The following EXPH5 variants were observed in gnomAD, a reference collection of about 807,000 sequenced individuals.
The protein encoded by EXPH5 is exophilin 5.
In EXPH5, 42 loss-of-function variants were observed where a neutral mutation model predicts 41.1. The observed-to-expected ratio is 1.02, with a 90% CI of 0.80 to 1.32. The LOEUF is 1.32. EXPH5 is among the 40% of genes most tolerant of loss of function. EXPH5 has a pLI of 0.00. For missense variants in EXPH5, 2,298 were observed against 2,314.5 expected, an observed-to-expected ratio of 0.99 and a Z score of 0.15; for synonymous variants, 798 against 833.5, an observed-to-expected ratio of 0.96 and a Z score of 0.73.
chr11:108,537,859 C>G, intron 3 of EXPH5: 1 of 491,514 alleles, frequency 2.0e-6, no homozygotes, highest in Non-Finnish European at 2.6e-6. Context: ...TTTTTTCTCC[C>G]TCAAATAAAT....
intron 1 of EXPH5, among the ~76,000 whole-genome samples, chr11:108,557,474 T>C (rs1208881473): frequency 2.6e-5 from 4 of 152,166 alleles, no homozygotes; most frequent in South Asian, 4.1e-4. Flanking sequence ...CTCCCTAGCA[T>C]AGCTGGGATT....
At chr11:108,517,465 A>G (rs2093733984) in intron 5 of EXPH5, among the ~76,000 whole-genome samples, 1 of 152,248 alleles carries the variant, frequency 6.6e-6, no homozygotes, top group South Asian at 2.1e-4. Context: ...GCCTTTGCAA[A>G]CTAAATGAAG....
chr11:108,604,422 G>T, the EXPH5 span, among the ~76,000 whole-genome samples: 1 of 151,806 alleles, frequency 6.6e-6, no homozygotes, highest in Non-Finnish European at 1.5e-5. Flanking sequence ...GTGGGAGAGG[G>T]CTGGATATTT....
intron 1 of EXPH5, among the ~76,000 whole-genome samples, chr11:108,580,653 C>A (rs2094095270): frequency 6.6e-6 from 1 of 152,040 alleles, no homozygotes; most frequent in Admixed American, 6.6e-5. Context: ...ATAGAATCAA[C>A]CTAGGTATCC....
chr11:108,518,122 T>C, intron 5 of EXPH5, 113 bp downstream of exon 5: 1 of 941,600 alleles, frequency 1.1e-6, no homozygotes, highest in South Asian at 1.8e-5. Context: ...CATGAGGATG[T>C]AAAAAATAAA....
chr11:108,547,711 AAT>A (rs113857815), intron 1 of EXPH5, among the ~76,000 whole-genome samples: 3,604 of 152,256 alleles, frequency 0.024, 150 homozygotes, highest in African/African-American at 0.081. Flanking sequence ...TGTTTAATAA[AAT>A]ATGTTACATT....
intron 4 of EXPH5, among the ~76,000 whole-genome samples, chr11:108,527,451 G>T (rs902709832): frequency 1.3e-5 from 2 of 151,960 alleles, no homozygotes; most frequent in Non-Finnish European, 2.9e-5. Flanking sequence ...CTAAGGCTTC[G>T]ATCCACTGAT....
chr11:108,526,974 T>C (rs2093804036), intron 4 of EXPH5, among the ~76,000 whole-genome samples: 1 of 152,026 alleles, frequency 6.6e-6, no homozygotes, highest in Non-Finnish European at 1.5e-5. Context: ...GAGGCATATA[T>C]AGGAGAAAAA....
At position 108,511,239 on chromosome 11, in the gene EXPH5, C is replaced by A; in HGVS notation, c.4268G>T (p.Gly1423Val). Residue 1423 changes from glycine (G) to valine (V), a missense_variant, in exon 6 of 6, where the codon GGT (glycine) becomes GTT (valine). Transcript: ENST00000265843. ...TGAAAGAGCTGGAAGACTAGAGGGA[C>A]CACTGTTACTTGAATTAATGGATTG... is the stretch of plus-strand genomic sequence containing the variant. ...CQQSINSSNS[G>V]PSSLPALSEV... 6.2e-7 allele frequency: 1 copy of A among 1,608,116 alleles called. No homozygotes were observed. The highest frequency in any genetic ancestry group is 8.5e-7 in the Non-Finnish European group (1 of 1,178,736).
At chr11:108,596,869 A>G (rs2094139528), upstream of EXPH5, among the ~76,000 whole-genome samples, 1 of 147,908 alleles carries the variant, frequency 6.8e-6, no homozygotes, top group Non-Finnish European at 1.5e-5. Context: ...TTTTAAACAC[A>G]ATGCTCTTAA....
chr11:108,605,622 G>C, the EXPH5 span, among the ~76,000 whole-genome samples: 1 of 152,206 alleles, frequency 6.6e-6, no homozygotes, highest in Non-Finnish European at 1.5e-5. Context: ...CTGAGGCCAA[G>C]AAACTTTGTG....
chr11:108,593,297 C>T (rs1169407145), intron 1 of EXPH5, 121 bp downstream of exon 1: 2 of 831,066 alleles, frequency 2.4e-6, no homozygotes, highest in South Asian at 3.2e-5. Flanking sequence ...CCGCAGCCTC[C>T]GCAGCAGCCG....
chr11:108,552,156 T>A (rs11212703), intron 1 of EXPH5: 86,814 of 151,166 alleles, frequency 0.57, 28,309 homozygotes, highest in East Asian at 0.79. Context: ...AGAGGCAGAG[T>A]GAAGGAAGAG....
intron 1 of EXPH5, among the ~76,000 whole-genome samples, chr11:108,588,280 T>C (rs2094119074): frequency 6.6e-6 from 1 of 152,216 alleles, no homozygotes; most frequent in African/African-American, 2.4e-5. Context: ...AGTAATAACA[T>C]CTCCAACTTT....
intron 2 of EXPH5, among the ~76,000 whole-genome samples, chr11:108,540,393 A>C (rs749210733): frequency 2.6e-5 from 4 of 152,168 alleles, no homozygotes; most frequent in Non-Finnish European, 5.9e-5. Context: ...CTGACTTTAT[A>C]AATATTAGGG....
intron 1 of EXPH5, among the ~76,000 whole-genome samples, chr11:108,575,831 G>A (rs575223546): frequency 1.8e-4 from 28 of 152,196 alleles, no homozygotes; most frequent in African/African-American, 5.8e-4. Context: ...AAAATTAGCC[G>A]GGTGTGGTGG....
At chr11:108,569,834 C>T (rs1048784500) in intron 1 of EXPH5, among the ~76,000 whole-genome samples, 2 of 63,776 alleles carry the variant, frequency 3.1e-5, no homozygotes, top group South Asian at 5.8e-4. Flanking sequence ...CAGAGGAACA[C>T]GGAGGTGCCT....
intron 4 of EXPH5, among the ~76,000 whole-genome samples, chr11:108,521,622 C>G (rs1306744553): frequency 1.3e-5 from 2 of 152,130 alleles, no homozygotes; most frequent in African/African-American, 4.8e-5. Flanking sequence ...GAAATCAGAT[C>G]AGTTAAAGTT....
the EXPH5 span, among the ~76,000 whole-genome samples, chr11:108,603,342 A>T: frequency 6.6e-6 from 1 of 152,284 alleles, no homozygotes; most frequent in East Asian, 1.9e-4. Context: ...TTCATTTTAA[A>T]ATGATTAATT....
Sources: gnomAD v4.1 joint callset for allele counts (sites outside exome capture counted in the v4.1 genomes callset) on GRCh38, gnomAD v4.1.1 for gene constraint, MANE v1.5 for transcripts, NCBI Gene and HGNC (gene_info 2026-07-23, HGNC 2026-07-21) for gene names.